MYO5B: variants seen among roughly 807,000 people sequenced by gnomAD.
MYO5B encodes unconventional myosin-Vb.
In MYO5B, 143 loss-of-function variants were observed where a neutral mutation model predicts 229.3. That is an observed-to-expected ratio of 0.62 (90% CI 0.54 to 0.72). The LOEUF is 0.72. MYO5B is among the 30% of genes least tolerant of loss of function. MYO5B has a pLI of 0.00. For missense variants in MYO5B, 2,321 were observed against 2,331.0 expected (o/e 1.00, Z 0.09); for synonymous variants, 918 against 885.2 (o/e 1.04, Z -0.66).
At position 49,912,057 on chromosome 18, in the gene MYO5B, C is replaced by T. The variant is rs2024964163; in HGVS notation, c.2202+5G>A. The T allele has an allele frequency of 9.9e-6, 16 of 1,612,500 alleles. No individual in the cohort carries two copies. Among genetic ancestry groups the T allele is most frequent in the African/African-American group, 1.3e-5 (1 of 74,896 alleles). On this transcript the variant is annotated splice_donor_5th_base_variant and intron_variant, in intron 18 of 39. Transcript: ENST00000285039. ...CCTCTCCTGGAGCTGGGCTGTGTGG[C>T]TCACCTTGATGAGGTTCTCCAGGAC...
At chr18:49,841,001 A>G (rs1467719353) in intron 35 of MYO5B, among the ~76,000 whole-genome samples, 1 of 152,238 alleles carries the variant, frequency 6.6e-6, no homozygotes, top group Non-Finnish European at 1.5e-5. Flanking sequence ...CCACTAGGCA[A>G]CTGAGCTCCC....
At chr18:49,982,721 A>T (rs1364867433) in intron 8 of MYO5B, among the ~76,000 whole-genome samples, 1 of 152,210 alleles carries the variant, frequency 6.6e-6, no homozygotes, top group Non-Finnish European at 1.5e-5. Flanking sequence ...AGCAGAGTTG[A>T]ATGCTTTGCA....
intron 22 of MYO5B, among the ~76,000 whole-genome samples, chr18:49,888,919 A>G (rs1322258821): frequency 6.6e-6 from 1 of 152,244 alleles, no homozygotes; most frequent in African/African-American, 2.4e-5. Context: ...ACATCCCTCC[A>G]GAGCCTGTGG....
At chr18:49,878,590 G>C (rs1460874249) in intron 24 of MYO5B, among the ~76,000 whole-genome samples, 1 of 152,122 alleles carries the variant, frequency 6.6e-6, no homozygotes, top group African/African-American at 2.4e-5. Context: ...TCAGGCCCTT[G>C]TGGGTCTCTC....
intron 1 of MYO5B, among the ~76,000 whole-genome samples, chr18:50,189,168 A>G (rs2033194377): frequency 6.6e-6 from 1 of 152,202 alleles, no homozygotes; most frequent in Admixed American, 6.5e-5. Flanking sequence ...ACATCCACTA[A>G]GCTAAGCCAC....
intron 22 of MYO5B, among the ~76,000 whole-genome samples, chr18:49,884,227 T>C (rs1471026707): frequency 6.6e-6 from 1 of 152,156 alleles, no homozygotes; most frequent in Non-Finnish European, 1.5e-5. Flanking sequence ...AAATCACCTA[T>C]CTGATACATC....
At chr18:50,072,008 G>A (rs1437054180) in intron 1 of MYO5B, among the ~76,000 whole-genome samples, 1 of 152,174 alleles carries the variant, frequency 6.6e-6, no homozygotes, top group East Asian at 1.9e-4. Flanking sequence ...ACCCTCTAAG[G>A]CTTGGGCTAA....
At chr18:49,902,913 G>A in intron 20 of MYO5B, 80 bp from the exon 21 acceptor site, 1 of 1,549,852 alleles carries the variant, frequency 6.5e-7, no homozygotes, top group African/African-American at 1.4e-5. Flanking sequence ...ACTGCCTGTG[G>A]AGGGAAGAGG....
intron 4 of MYO5B, 80 bp from the exon 5 acceptor site, chr18:50,001,491 C>A (rs2026046942): frequency 2.0e-6 from 3 of 1,505,980 alleles, no homozygotes; most frequent in Non-Finnish European, 2.8e-6. Context: ...TGACAAGGGC[C>A]TGAGCCTCAC....
chr18:49,978,722 C>G lies in MYO5B; in HGVS notation c.1056+1722G>C, dbSNP rs925110830. 4.7e-5 allele frequency among the ~76,000 whole-genome samples: 7 copies of G among 150,522 alleles called. 1 individual carries two copies. Among genetic ancestry groups the G allele is most frequent in the Middle Eastern group, 6.8e-3 (2 of 294 alleles). ...ACACACACACACACACACACACACA[C>G]ACACACACACACACACACACACAAA... On this transcript the variant is annotated intron_variant, in intron 9 of 39. Transcript: ENST00000285039.
intron 10 of MYO5B, among the ~76,000 whole-genome samples, chr18:49,965,139 C>A (rs2025608013): frequency 6.6e-6 from 1 of 152,170 alleles, no homozygotes; most frequent in Non-Finnish European, 1.5e-5. Flanking sequence ...CAGTCAGGGC[C>A]TGACGTACAC....
At chr18:49,900,640 T>G (rs1245730335) in intron 21 of MYO5B, among the ~76,000 whole-genome samples, 2 of 152,192 alleles carry the variant, frequency 1.3e-5, no homozygotes, top group Non-Finnish European at 2.9e-5. Context: ...AAATGCCCAG[T>G]ATAGAATAGA....
intron 27 of MYO5B, among the ~76,000 whole-genome samples, chr18:49,869,270 T>C (rs924835505): frequency 2.6e-5 from 4 of 152,174 alleles, no homozygotes; most frequent in African/African-American, 9.7e-5. Flanking sequence ...TTTCCATTAT[T>C]ATAAAAAATA....
At chr18:50,013,902 C>T (rs2026188794) in intron 4 of MYO5B, among the ~76,000 whole-genome samples, 1 of 152,114 alleles carries the variant, frequency 6.6e-6, no homozygotes, top group Admixed American at 6.6e-5. Context: ...ACTGCCTAGC[C>T]CAGCAGAGGG....
At position 50,006,592 on chromosome 18, in the gene MYO5B, G is replaced by GC. The variant is rs550376406; in HGVS notation, c.456-5182dup. 9.9e-5 allele frequency among the ~76,000 whole-genome samples: 15 copies of GC among 152,134 alleles called. No individual in the cohort carries two copies. In the South Asian group the frequency reaches 1.2e-3, roughly 13 times the overall value. ...CACACTACCTCCCCAGTTCACACTG[G>GC]CCCCCCCTTCTGTGACACCTGAGAG... On this transcript the variant is annotated intron_variant, in intron 4 of 39. Transcript: ENST00000285039.
intron 4 of MYO5B, among the ~76,000 whole-genome samples, chr18:50,030,868 C>T (rs578000587): frequency 2.2e-4 from 23 of 105,804 alleles, no homozygotes; most frequent in Admixed American, 3.6e-4. Context: ...CATCCCCACT[C>T]CCTTTCAGAA....
intron 10 of MYO5B, among the ~76,000 whole-genome samples, chr18:49,967,260 C>T (rs1279995721): frequency 6.6e-6 from 1 of 152,118 alleles, no homozygotes; most frequent in Non-Finnish European, 1.5e-5. Context: ...TAGTAAGGGA[C>T]ACAGATGCCT....
intron 1 of MYO5B, among the ~76,000 whole-genome samples, chr18:50,151,951 C>A (rs918138974): frequency 6.6e-6 from 1 of 152,184 alleles, no homozygotes; most frequent in Non-Finnish European, 1.5e-5. Flanking sequence ...GCCCAGAGAG[C>A]CTACATCCTG....
chr18:49,975,427 C>A (rs146055221), intron 9 of MYO5B, among the ~76,000 whole-genome samples: 2 of 152,142 alleles, frequency 1.3e-5, no homozygotes, highest in African/African-American at 2.4e-5. Context: ...GAGGCTGAAA[C>A]GCAATAGACG....
Sources: allele counts gnomAD v4.1 joint callset (sites outside exome capture counted in the v4.1 genomes callset), GRCh38; gene constraint gnomAD v4.1.1; transcripts MANE v1.5; gene names NCBI Gene and HGNC (gene_info 2026-07-23, HGNC 2026-07-21).